Variants in CRYBG1 observed in about 807,000 individuals in gnomAD.
CRYBG1 encodes beta/gamma crystallin domain-containing protein 1.
In CRYBG1, 139 loss-of-function variants were observed where a neutral mutation model predicts 189.2. The ratio of observed to expected loss-of-function variants is 0.73; its 90% CI spans 0.64 to 0.85. The LOEUF is 0.85. Ranked by LOEUF, CRYBG1 falls within the 40% of genes least tolerant of loss-of-function variation. The pLI, the probability that CRYBG1 is intolerant of heterozygous loss-of-function variation, is 0.00. For synonymous variants in CRYBG1, 1,023 were observed against 1,017.1 expected (o/e 1.01, Z -0.11); for missense variants, 2,611 against 2,675.8 (o/e 0.98, Z 0.53).
intron 1 of CRYBG1, among the ~76,000 whole-genome samples, chr6:106,405,294 G>A (rs947178615): frequency 2.0e-5 from 3 of 152,322 alleles, no homozygotes; most frequent in East Asian, 1.9e-4. Flanking sequence ...GGAGCCCACC[G>A]CAGCTCAGCA....
chr6:106,527,536 A>G, intron 7 of CRYBG1, 66 bp downstream of exon 7: 1 of 1,516,466 alleles, frequency 6.6e-7, no homozygotes, highest in South Asian at 1.3e-5. Context: ...CTTTAAGGGA[A>G]ATGATCATTT....
intron 1 of CRYBG1, among the ~76,000 whole-genome samples, chr6:106,370,275 T>G (rs1315183108): frequency 2.0e-5 from 3 of 152,206 alleles, no homozygotes; most frequent in African/African-American, 7.2e-5. Flanking sequence ...GAAAAAAGCA[T>G]TACCAAGAGG....
chr6:106,431,328 T>G (rs1771321497), intron 1 of CRYBG1, among the ~76,000 whole-genome samples: 1 of 152,242 alleles, frequency 6.6e-6, no homozygotes, highest in Non-Finnish European at 1.5e-5. Context: ...CACTTTAATC[T>G]TTCATTTAGT....
chr6:106,414,768 G>C (rs1032067229), intron 1 of CRYBG1, among the ~76,000 whole-genome samples: 5 of 152,134 alleles, frequency 3.3e-5, no homozygotes, highest in African/African-American at 1.2e-4. Flanking sequence ...GAGGTGTTGA[G>C]GCAGGCTTTT....
intron 1 of CRYBG1, among the ~76,000 whole-genome samples, chr6:106,443,859 G>A (rs779892943): frequency 1.3e-5 from 2 of 151,966 alleles, no homozygotes; most frequent in Non-Finnish European, 2.9e-5. Flanking sequence ...CTTCCTTTGT[G>A]TTACAAACAA....
At chr6:106,566,404 T>C (rs568479310) in intron 21 of CRYBG1, among the ~76,000 whole-genome samples, 128 of 149,862 alleles carry the variant, frequency 8.5e-4, no homozygotes, top group Middle Eastern at 3.6e-3. Flanking sequence ...GCCTGCTGAG[T>C]AAGCATAATG....
chr6:106,377,555 T>C (rs1180227623), intron 1 of CRYBG1, among the ~76,000 whole-genome samples: 1 of 151,238 alleles, frequency 6.6e-6, no homozygotes, highest in Non-Finnish European at 1.5e-5. Flanking sequence ...ACTGACAGAA[T>C]CTCTGACTGA....
Position 106,435,256 on chromosome 6 carries a change from C to T in CRYBG1, c.174-16438C>T, listed in dbSNP as rs139901903. Among the ~76,000 whole-genome samples, 749 of 152,124 alleles carry T rather than the reference C, an allele frequency of 4.9e-3. 7 individuals are homozygous for T. The highest frequency in any genetic ancestry group is 0.017 in the African/African-American group (721 of 41,490). ...TCATAGCTTACTACAGCCTCAAACT[C>T]CTCAGCTCAAGCCATCCTCCTCCCA... On this transcript the variant is annotated intron_variant, in intron 1 of 21. Coordinates refer to ENST00000633556, the MANE Select transcript of CRYBG1 (RefSeq NM_001371242.2).
chr6:106,508,154 G>T (rs933113354), intron 2 of CRYBG1, among the ~76,000 whole-genome samples: 1 of 152,154 alleles, frequency 6.6e-6, no homozygotes, highest in Non-Finnish European at 1.5e-5. Flanking sequence ...GAGGTGGAAG[G>T]ATCACTTGAG....
In CRYBG1 at chr6:106,360,966, C is replaced by G. The variant is rs1230909866; in HGVS notation, c.58C>G (p.Pro20Ala). ...DPGEPSPCRP[P>A]KKHTTFHLWR... Reference sequence around the variant, plus strand: ...CGGGGAGCCCAGCCCGTGCAGGCCCCCTAAGAAGCACACCACCTTCCACCT... The same window carrying G: ...CGGGGAGCCCAGCCCGTGCAGGCCCGCTAAGAAGCACACCACCTTCCACCT... Residue 20 changes from proline to alanine, a missense_variant, in exon 1 of 22, where the codon CCT (proline) becomes GCT (alanine). This residue lies in a region of CRYBG1 where 985 missense variants were observed against 924.4 expected (regional missense o/e 1.07). Transcript: ENST00000633556. 1.2e-5 allele frequency: 18 copies of G among 1,535,254 alleles called. No homozygotes were observed. The East Asian group carries it at 3.9e-4, about 33-fold the overall frequency.
At chr6:106,501,503 T>G (rs1027087176) in intron 2 of CRYBG1, among the ~76,000 whole-genome samples, 3 of 152,358 alleles carry the variant, frequency 2.0e-5, no homozygotes, top group Admixed American at 2.0e-4. Context: ...ATAAATTCAT[T>G]GTGTTACTTA....
chr6:106,377,359 A>G (rs1770186641), intron 1 of CRYBG1, among the ~76,000 whole-genome samples: 1 of 152,172 alleles, frequency 6.6e-6, no homozygotes, highest in Admixed American at 6.5e-5. Flanking sequence ...AAGGAGACAC[A>G]AAGCATGTAG....
chr6:106,505,565 T>G (rs1266513612), intron 2 of CRYBG1, among the ~76,000 whole-genome samples: 1 of 152,122 alleles, frequency 6.6e-6, no homozygotes, highest in Non-Finnish European at 1.5e-5. Context: ...TTTCTCCCCC[T>G]TCCCCATTCC....
chr6:106,497,240 G>A (rs1002834359), intron 2 of CRYBG1, among the ~76,000 whole-genome samples: 3 of 152,092 alleles, frequency 2.0e-5, no homozygotes, highest in South Asian at 2.1e-4. Context: ...AATCAGGCCG[G>A]TCTTCCTGAA....
At chr6:106,433,850 G>C (rs1360735344) in intron 1 of CRYBG1, among the ~76,000 whole-genome samples, 1 of 149,396 alleles carries the variant, frequency 6.7e-6, no homozygotes, top group East Asian at 2.0e-4. Context: ...CAGAGGTAAA[G>C]ACACGAATTT....
intron 17 of CRYBG1, 138 bp downstream of exon 17, chr6:106,556,035 T>TAGA: frequency 1.0e-6 from 1 of 971,060 alleles, no homozygotes; most frequent in Non-Finnish European, 1.6e-6. Context: ...TTTGGCTCTG[T>TAGA]GTACATCTAG....
chr6:106,492,733 A>G (rs983796967), intron 2 of CRYBG1, among the ~76,000 whole-genome samples: 2 of 152,180 alleles, frequency 1.3e-5, no homozygotes, highest in African/African-American at 2.4e-5. Context: ...ATCCCCTTGT[A>G]TTGTCTTCAC....
intron 1 of CRYBG1, among the ~76,000 whole-genome samples, chr6:106,406,824 G>A (rs1320162468): frequency 1.3e-5 from 2 of 152,174 alleles, no homozygotes; most frequent in Non-Finnish European, 2.9e-5. Flanking sequence ...ATCCTTTGCA[G>A]ACAAGCAAAT....
intron 11 of CRYBG1, among the ~76,000 whole-genome samples, 187 bp downstream of exon 11, chr6:106,543,784 G>A (rs1424673038): frequency 5.3e-5 from 8 of 152,200 alleles, no homozygotes; most frequent in Admixed American, 1.3e-4. Context: ...GGGTGTGGTG[G>A]CTCACACCTG....
Sources: gnomAD v4.1 joint callset for allele counts (sites outside exome capture counted in the v4.1 genomes callset) on GRCh38, gnomAD v4.1.1 for gene constraint, gnomAD v4.1.1 regional missense constraint, MANE v1.5 for transcripts, NCBI Gene and HGNC (gene_info 2026-07-23, HGNC 2026-07-21) for gene names.